SND1: variants seen among roughly 807,000 people sequenced by gnomAD.
SND1 encodes staphylococcal nuclease and tudor domain containing 1, also known as staphylococcal nuclease domain-containing protein 1.
A neutral mutation model predicts 121.7 loss-of-function variants in SND1; 38 were observed. The observed-to-expected ratio is 0.31, with a 90% CI of 0.24 to 0.41. The LOEUF (loss-of-function observed/expected upper bound fraction) is 0.41, where lower values mean the gene tolerates loss of function less well. Ranked by LOEUF, SND1 falls within the 10% of genes least tolerant of loss-of-function variation. The pLI, the probability that SND1 is intolerant of heterozygous loss-of-function variation, is 1.00. For missense variants in SND1, 868 were observed against 1,184.6 expected (o/e 0.73, Z 3.92); for synonymous variants, 401 against 447.4 (o/e 0.90, Z 1.31).
chr7:127,945,065 C>T (rs1801298295), intron 15 of SND1, among the ~76,000 whole-genome samples: 2 of 152,112 alleles, frequency 1.3e-5, no homozygotes, highest in Non-Finnish European at 2.9e-5. Context: ...GGGTAGGGAC[C>T]TTGTCTGTCT....
At chr7:127,664,327 C>T (rs1446295969) in intron 1 of SND1, among the ~76,000 whole-genome samples, 1 of 152,188 alleles carries the variant, frequency 6.6e-6, no homozygotes, top group Non-Finnish European at 1.5e-5. Flanking sequence ...TGGGAAGCTC[C>T]TAAGTGTGAG....
chr7:127,703,269 G>C lies in SND1; in HGVS notation c.786G>C (p.Gln262His). Residue 262 changes from glutamine (Q) to histidine (H), a missense_variant, in exon 7 of 24, where the codon CAG (glutamine) becomes CAC (histidine). Physicochemically the swap from Gln to His is conservative, Grantham distance 24. Around this residue, in one of 2 missense-constraint regions of SND1, gnomAD observed 743 missense variants for 1,071.3 expected, o/e 0.69. Coordinates refer to ENST00000354725, the MANE Select transcript of SND1 (RefSeq NM_014390.4). ...CGCGACTGCTTCAGAGAGATGTTCA[G>C]ATCATTCTGGAGAGCTGCCACAACC... is the stretch of plus-strand genomic sequence containing the variant. ...TESRLLQRDVQIILESCHNQN... is the reference protein window; with the variant it reads ...TESRLLQRDVHIILESCHNQN... 6.2e-7 allele frequency: 1 copy of C among 1,614,188 alleles called. No homozygotes were observed. The highest frequency in any genetic ancestry group is 8.5e-7 in the Non-Finnish European group (1 of 1,180,002).
At chr7:127,862,695 G>A (rs1799401904) in intron 12 of SND1, among the ~76,000 whole-genome samples, 1 of 152,246 alleles carries the variant, frequency 6.6e-6, no homozygotes, top group African/African-American at 2.4e-5. Flanking sequence ...ACGCTGGGCA[G>A]TTGCTGAAGC....
chr7:128,021,982 T>C (rs542769675), intron 16 of SND1, among the ~76,000 whole-genome samples: 1 of 152,206 alleles, frequency 6.6e-6, no homozygotes, highest in South Asian at 2.1e-4. Flanking sequence ...GGTGGGCGGA[T>C]TGCCTGAGGT....
chr7:127,919,412 C>T (rs1041620902), intron 14 of SND1, among the ~76,000 whole-genome samples: 1 of 152,120 alleles, frequency 6.6e-6, no homozygotes, highest in African/African-American at 2.4e-5. Flanking sequence ...TTACTCTGCA[C>T]ATTTTATTTT....
At chr7:127,892,631 C>A (rs1800029929) in intron 13 of SND1, among the ~76,000 whole-genome samples, 1 of 152,140 alleles carries the variant, frequency 6.6e-6, no homozygotes. Context: ...TGTTGTCTAT[C>A]ATCAGCTGAC....
intron 11 of SND1, among the ~76,000 whole-genome samples, chr7:127,831,671 A>G (rs1798742834): frequency 6.6e-6 from 1 of 152,170 alleles, no homozygotes; most frequent in African/African-American, 2.4e-5. Flanking sequence ...TGTGGGAACT[A>G]TTGTGATGAA....
chr7:127,699,776 A>T (rs933404981), intron 4 of SND1, among the ~76,000 whole-genome samples: 8 of 152,218 alleles, frequency 5.3e-5, no homozygotes, highest in African/African-American at 9.6e-5. Flanking sequence ...GCTGTTTTAT[A>T]TCATTAAGTC....
intron 12 of SND1, among the ~76,000 whole-genome samples, chr7:127,870,495 A>G (rs1374925748): frequency 6.6e-6 from 1 of 152,216 alleles, no homozygotes; most frequent in Non-Finnish European, 1.5e-5. Flanking sequence ...AGTATAGCCT[A>G]CTACACACAG....
rs533029546 is a variant in SND1, at chr7:127,923,307, T to C, written c.1528-5881T>C. On this transcript the variant is annotated intron_variant, in intron 14 of 23. Transcript: ENST00000354725. ...TGGCCTAGCTTTAGCACCTTTTTTTTCTGTTGTAATTTTTTTGTTTGGGGG... is the reference window on the plus strand; with the variant it reads ...TGGCCTAGCTTTAGCACCTTTTTTTCCTGTTGTAATTTTTTTGTTTGGGGG... 7.9e-5 allele frequency among the ~76,000 whole-genome samples: 12 copies of C among 152,290 alleles called. 1 individual carries two copies. The South Asian group carries it at 2.5e-3, about 32-fold the overall frequency.
chr7:127,929,625 C>T (rs1249453619), intron 15 of SND1, among the ~76,000 whole-genome samples: 2 of 152,172 alleles, frequency 1.3e-5, no homozygotes, highest in African/African-American at 4.8e-5. Context: ...TAGGAAAATA[C>T]CAGCCATGGA....
At chr7:128,060,416 C>A (rs1157216878) in intron 16 of SND1, among the ~76,000 whole-genome samples, 1 of 152,242 alleles carries the variant, frequency 6.6e-6, no homozygotes, top group East Asian at 1.9e-4. Flanking sequence ...TGAATATGCT[C>A]TCTCTTTGAG....
intron 13 of SND1, among the ~76,000 whole-genome samples, chr7:127,900,691 G>A (rs78286186): frequency 4.7e-4 from 72 of 152,278 alleles, no homozygotes; most frequent in African/African-American, 1.7e-3. Context: ...CAGCCCTGTG[G>A]CTCCTAGAAA....
intron 16 of SND1, among the ~76,000 whole-genome samples, chr7:128,008,766 C>T (rs1219871047): frequency 6.6e-6 from 1 of 152,196 alleles, no homozygotes; most frequent in Non-Finnish European, 1.5e-5. Flanking sequence ...AGGCAGGTTA[C>T]CCTTCTTGTT....
intron 11 of SND1, among the ~76,000 whole-genome samples, chr7:127,809,783 A>G (rs1382614234): frequency 6.6e-6 from 1 of 152,208 alleles, no homozygotes; most frequent in African/African-American, 2.4e-5. Context: ...AATGCAGAGA[A>G]ATAAGACTGA....
Position 128,022,224 on chromosome 7 carries a change from AAAAG to A in SND1, c.1779+31171_1779+31174del, listed in dbSNP as rs1253415873. On this transcript the variant is annotated intron_variant, in intron 16 of 23. Transcript: ENST00000354725. ...TCTCTCAAAAAAAAAAAAAAAAAAA[AAAAG>A]AAGGTAGGAGGGTATGAAAGAAACA... Among the ~76,000 whole-genome samples, 6 of 151,710 alleles carry A rather than the reference AAAAG, an allele frequency of 4.0e-5. No homozygotes were observed. In the East Asian group the frequency reaches 1.2e-3, roughly 29 times the overall value.
intron 10 of SND1, among the ~76,000 whole-genome samples, chr7:127,769,827 G>A (rs1797483707): frequency 6.6e-6 from 1 of 152,070 alleles, no homozygotes; most frequent in African/African-American, 2.4e-5. Flanking sequence ...TGCCCTTTTT[G>A]TAGCCCACTG....
chr7:128,005,894 A>C (rs1802962384), intron 16 of SND1, among the ~76,000 whole-genome samples: 5 of 151,224 alleles, frequency 3.3e-5, no homozygotes, highest in South Asian at 4.2e-4. Flanking sequence ...CCCCACCCCC[A>C]GCCCCCGACC....
At chr7:127,692,320 A>G (rs1016425960) in intron 2 of SND1, among the ~76,000 whole-genome samples, 1 of 152,222 alleles carries the variant, frequency 6.6e-6, no homozygotes, top group African/African-American at 2.4e-5. Context: ...TCTAAAGGAA[A>G]GAGTAATTTT....
Sources: allele counts gnomAD v4.1 joint callset (sites outside exome capture counted in the v4.1 genomes callset), GRCh38; gene constraint gnomAD v4.1.1; regional missense constraint gnomAD v4.1.1; transcripts MANE v1.5; gene names NCBI Gene and HGNC (gene_info 2026-07-23, HGNC 2026-07-21).